GABRB1: variants seen among roughly 807,000 people sequenced by gnomAD.
GABRB1 encodes the protein gamma-aminobutyric acid type A receptor subunit beta1.
GABRB1 carries 17 observed loss-of-function variants against 51.6 expected under a neutral mutation model. The observed-to-expected ratio is 0.33, with a 90% confidence interval of 0.23 to 0.49. GABRB1 has a LOEUF of 0.49. Ranked by LOEUF, GABRB1 falls within the 20% of genes least tolerant of loss-of-function variation. The pLI is 0.99. For missense variants in GABRB1, 410 were observed against 600.6 expected (o/e 0.68, Z 3.32); for synonymous variants, 247 against 218.9 (o/e 1.13, Z -1.14).
At chr4:47,008,852 CCTTTTTTTTTTTTTT>C (rs1297673432) in intron 1 of GABRB1, among the ~76,000 whole-genome samples, 2 of 56,486 alleles carry the variant, frequency 3.5e-5, no homozygotes, top group African/African-American at 1.6e-4. Context: ...TCAGATACTA[CCTTTTTTTTTTTTTT>C]TTTTTTTTTT....
At chr4:47,091,502 C>A (rs1436400339) in intron 3 of GABRB1, among the ~76,000 whole-genome samples, 4 of 152,124 alleles carry the variant, frequency 2.6e-5, no homozygotes, top group African/African-American at 9.7e-5. Context: ...AAAGTAAGAA[C>A]CATTTTTGTG....
intron 4 of GABRB1, among the ~76,000 whole-genome samples, chr4:47,251,494 G>A (rs1360132198): frequency 6.6e-6 from 1 of 152,040 alleles, no homozygotes; most frequent in Admixed American, 6.6e-5. Context: ...GAGGTGGGTG[G>A]GGCCCTAGAA....
rs555821217 is a variant in GABRB1, at chr4:47,088,190, C to T, written c.240+55706C>T. Among the ~76,000 whole-genome samples, 13 of 152,276 alleles carry T rather than the reference C, an allele frequency of 8.5e-5. No individual in the cohort carries two copies. In the South Asian group the frequency reaches 2.7e-3, roughly 32 times the overall value. ...ACACGAGGCATTAGAATTCATTTGA[C>T]AAACATTTATTGAACACTAATTAGG... On this transcript the variant is annotated intron_variant, in intron 3 of 8. Coordinates refer to ENST00000295454, the MANE Select transcript of GABRB1 (RefSeq NM_000812.4).
At chr4:47,351,368 G>A (rs996474102) in intron 5 of GABRB1, among the ~76,000 whole-genome samples, 5 of 152,054 alleles carry the variant, frequency 3.3e-5, no homozygotes, top group African/African-American at 1.2e-4. Context: ...AAGACAAATT[G>A]TTCATTCCAT....
chr4:47,014,519 C>T (rs953020502), intron 1 of GABRB1, among the ~76,000 whole-genome samples: 2 of 152,044 alleles, frequency 1.3e-5, no homozygotes, highest in Non-Finnish European at 2.9e-5. Context: ...TGTAGCATTT[C>T]CCCCTCTCTC....
chr4:46,998,441 G>A (rs971261486), intron 1 of GABRB1, among the ~76,000 whole-genome samples: 2 of 151,930 alleles, frequency 1.3e-5, no homozygotes, highest in African/African-American at 2.4e-5. Flanking sequence ...TTTTAAAATA[G>A]GTGGAGGCCA....
intron 3 of GABRB1, among the ~76,000 whole-genome samples, chr4:47,055,045 A>G (rs1336029433): frequency 6.6e-6 from 1 of 152,200 alleles, no homozygotes; most frequent in Non-Finnish European, 1.5e-5. Context: ...CTTCTAGATT[A>G]TTTATTCTTA....
intron 4 of GABRB1, among the ~76,000 whole-genome samples, chr4:47,313,440 T>A (rs1302156233): frequency 6.6e-6 from 1 of 152,166 alleles, no homozygotes; most frequent in African/African-American, 2.4e-5. Flanking sequence ...GATGTGTTAA[T>A]TAATGGTAGA....
At chr4:47,088,284 G>A (rs1049772077) in intron 3 of GABRB1, among the ~76,000 whole-genome samples, 1 of 152,202 alleles carries the variant, frequency 6.6e-6, no homozygotes, top group Admixed American at 6.5e-5. Flanking sequence ...CCTTGTGGAA[G>A]GGAGGCAAAC....
At position 47,371,031 on chromosome 4, in the gene GABRB1, A is replaced by G. The variant is rs192363633; in HGVS notation, c.545-32287A>G. On this transcript the variant is annotated intron_variant, in intron 5 of 8. Transcript: ENST00000295454. Reference sequence around the variant, plus strand: ...GGTGGTTTGCTGAACAGATCAACCCATGACCCAGGTAGTAAGCCCAGCTTC... The same window carrying G: ...GGTGGTTTGCTGAACAGATCAACCCGTGACCCAGGTAGTAAGCCCAGCTTC... Among the ~76,000 whole-genome samples, 574 of 152,136 alleles carry G rather than the reference A, an allele frequency of 3.8e-3. 7 individuals are homozygous for G. Among genetic ancestry groups the G allele is most frequent in the African/African-American group, 6.3e-3 (261 of 41,492 alleles).
At chr4:47,403,018 C>A (rs1399518063) in intron 5 of GABRB1, among the ~76,000 whole-genome samples, 1 of 152,078 alleles carries the variant, frequency 6.6e-6, no homozygotes, top group African/African-American at 2.4e-5. Flanking sequence ...CAGCCATCCC[C>A]CAATTTAATC....
intron 4 of GABRB1, among the ~76,000 whole-genome samples, chr4:47,241,768 A>G (rs1203866606): frequency 6.6e-6 from 1 of 152,206 alleles, no homozygotes; most frequent in Non-Finnish European, 1.5e-5. Context: ...TTCTTTGATT[A>G]TGCAGGGGAC....
At chr4:47,344,524 A>G (rs912587297) in intron 5 of GABRB1, among the ~76,000 whole-genome samples, 1 of 152,158 alleles carries the variant, frequency 6.6e-6, no homozygotes, top group African/African-American at 2.4e-5. Flanking sequence ...AGTCATGTAT[A>G]ACTAGGTTAC....
intron 4 of GABRB1, among the ~76,000 whole-genome samples, chr4:47,169,739 T>A (rs1014352226): frequency 1.3e-5 from 2 of 152,138 alleles, no homozygotes; most frequent in African/African-American, 2.4e-5. Flanking sequence ...TAATCTCAGG[T>A]GATCCCCCCG....
intron 4 of GABRB1, among the ~76,000 whole-genome samples, chr4:47,307,397 C>T (rs1578082232): frequency 6.6e-6 from 1 of 151,920 alleles, no homozygotes; most frequent in African/African-American, 2.4e-5. Context: ...AGTATGATAT[C>T]TGGAGTGCTC....
intron 3 of GABRB1, among the ~76,000 whole-genome samples, chr4:47,160,799 T>C (rs867934863): frequency 6.6e-6 from 1 of 151,808 alleles, no homozygotes; most frequent in Non-Finnish European, 1.5e-5. Flanking sequence ...ATTATATATT[T>C]TTTTAGAGAC....
At chr4:47,267,462 T>C (rs1722681821) in intron 4 of GABRB1, among the ~76,000 whole-genome samples, 1 of 151,928 alleles carries the variant, frequency 6.6e-6, no homozygotes, top group Non-Finnish European at 1.5e-5. Context: ...CAACTAAAGA[T>C]TCAGTCATCG....
chr4:47,424,371 G>T (rs11722951), intron 8 of GABRB1, among the ~76,000 whole-genome samples: 1 of 152,074 alleles, frequency 6.6e-6, no homozygotes, highest in Non-Finnish European at 1.5e-5. Flanking sequence ...TTTAAAATAG[G>T]GTTGCTGTAT....
intron 5 of GABRB1, among the ~76,000 whole-genome samples, chr4:47,358,628 T>G (rs1726677966): frequency 6.6e-6 from 1 of 152,050 alleles, no homozygotes; most frequent in East Asian, 1.9e-4. Context: ...ACCAGTCATA[T>G]TTGATTAGGA....
Sources: gnomAD v4.1 joint callset for allele counts (sites outside exome capture counted in the v4.1 genomes callset) on GRCh38, gnomAD v4.1.1 for gene constraint, MANE v1.5 for transcripts, NCBI Gene and HGNC (gene_info 2026-07-23, HGNC 2026-07-21) for gene names.